SMURF2: variants seen among roughly 807,000 people sequenced by gnomAD.
The protein encoded by SMURF2 is SMAD specific E3 ubiquitin protein ligase 2.
SMURF2 carries 48 observed loss-of-function variants against 109.6 expected under a neutral mutation model. That is an observed-to-expected ratio of 0.44 (90% CI 0.35 to 0.56). The LOEUF is 0.56. SMURF2 is among the 20% of genes least tolerant of loss of function. The pLI is 0.01. For missense variants in SMURF2, 575 were observed against 909.0 expected (o/e 0.63, Z 4.72); for synonymous variants, 288 against 317.1 (o/e 0.91, Z 0.97).
chr17:64,637,031 G>A (rs998674804), intron 1 of SMURF2, among the ~76,000 whole-genome samples: 1 of 151,980 alleles, frequency 6.6e-6, no homozygotes, highest in African/African-American at 2.4e-5. Flanking sequence ...ACCAGTCTGG[G>A]CAACAGAGTG....
chr17:64,662,025 G>C lies in SMURF2; in HGVS notation c.-145C>G, dbSNP rs977330255. The C allele has an allele frequency of 9.0e-7, 1 of 1,116,010 alleles. No homozygotes were observed. Among genetic ancestry groups the C allele is most frequent in the Non-Finnish European group, 1.1e-6 (1 of 914,194 alleles). 69.1% of individuals were successfully genotyped at this position (1,116,010 alleles called of 1,614,324 possible). On this transcript the variant is annotated 5_prime_UTR_variant, in exon 1 of 19. Coordinates refer to ENST00000262435, the MANE Select transcript of SMURF2 (RefSeq NM_022739.4). ...CCGGAGGGTCCCGGATGTGCCGAGAGTCGTCGCCATGAGCCGCGGAGGGAG... is the reference window on the plus strand; with the variant it reads ...CCGGAGGGTCCCGGATGTGCCGAGACTCGTCGCCATGAGCCGCGGAGGGAG...
At chr17:64,564,253 G>T (rs1969269544) in intron 10 of SMURF2, among the ~76,000 whole-genome samples, 1 of 152,046 alleles carries the variant, frequency 6.6e-6, no homozygotes, top group African/African-American at 2.4e-5. Context: ...AATAAACTGT[G>T]GTATACCCAT....
At chr17:64,643,389 A>G (rs2144724457) in intron 1 of SMURF2, among the ~76,000 whole-genome samples, 1 of 152,314 alleles carries the variant, frequency 6.6e-6, no homozygotes, top group Non-Finnish European at 1.5e-5. Context: ...AGGAGAATAA[A>G]TAAGGGTGTG....
intron 10 of SMURF2, among the ~76,000 whole-genome samples, chr17:64,571,007 TC>T (rs1555685508): frequency 1.3e-5 from 2 of 152,008 alleles, no homozygotes; most frequent in African/African-American, 4.8e-5. Context: ...GGTCTTGAAC[TC>T]CTAGGCTCAA....
chr17:64,649,435 T>TTC (rs1555693275), intron 1 of SMURF2, among the ~76,000 whole-genome samples: 1 of 152,204 alleles, frequency 6.6e-6, no homozygotes, highest in East Asian at 1.9e-4. Flanking sequence ...CTGAGCCATC[T>TTC]TCTACTTCTT....
intron 10 of SMURF2, among the ~76,000 whole-genome samples, chr17:64,566,943 TCA>T (rs1402871458): frequency 6.7e-6 from 1 of 149,284 alleles, no homozygotes; most frequent in Non-Finnish European, 1.5e-5. Flanking sequence ...CGATCTCAGC[TCA>T]CTACACCCTC....
At chr17:64,628,788 A>T (rs558163485) in intron 1 of SMURF2, among the ~76,000 whole-genome samples, 1 of 152,272 alleles carries the variant, frequency 6.6e-6, no homozygotes, top group South Asian at 2.1e-4. Context: ...CTCAGCCTTT[A>T]ACTCATCTGC....
At chr17:64,606,220 G>A (rs897747925) in intron 2 of SMURF2, among the ~76,000 whole-genome samples, 1 of 152,110 alleles carries the variant, frequency 6.6e-6, no homozygotes, top group Non-Finnish European at 1.5e-5. Context: ...ACCTTCCAAT[G>A]AATCTTGAAT....
At chr17:64,628,044 T>A (rs1268207744) in intron 1 of SMURF2, among the ~76,000 whole-genome samples, 1 of 152,316 alleles carries the variant, frequency 6.6e-6, no homozygotes, top group East Asian at 1.9e-4. Context: ...AGCCATCCGA[T>A]GAAGCCAACA....
chr17:64,647,534 C>T (rs782344655), intron 1 of SMURF2, among the ~76,000 whole-genome samples: 2 of 151,870 alleles, frequency 1.3e-5, no homozygotes, highest in Non-Finnish European at 2.9e-5. Context: ...AACAATTAGC[C>T]AAGCATGGTG....
chr17:64,622,836 T>C (rs1555690789), intron 1 of SMURF2, among the ~76,000 whole-genome samples: 1 of 152,234 alleles, frequency 6.6e-6, no homozygotes, highest in African/African-American at 2.4e-5. Context: ...ACTAGAGAGT[T>C]ATACTATACC....
intron 1 of SMURF2, among the ~76,000 whole-genome samples, chr17:64,634,041 C>T (rs145994073): frequency 0.05 from 7,637 of 152,212 alleles, 317 homozygotes; most frequent in Admixed American, 0.14. Flanking sequence ...GTAATCCCAG[C>T]TACTTGGGAG....
At chr17:64,615,816 T>G (rs1453552331) in intron 1 of SMURF2, among the ~76,000 whole-genome samples, 10 of 152,196 alleles carry the variant, frequency 6.6e-5, no homozygotes, top group Non-Finnish European at 1.0e-4. Flanking sequence ...TGTATTTATT[T>G]ATTGATGGAT....
chr17:64,566,642 G>A (rs1163039612), intron 10 of SMURF2, among the ~76,000 whole-genome samples: 3 of 125,632 alleles, frequency 2.4e-5, no homozygotes, highest in Non-Finnish European at 4.7e-5. Context: ...CGCAATCTCC[G>A]CTCACTGCAA....
At chr17:64,646,309 G>A (rs1598314248) in intron 1 of SMURF2, among the ~76,000 whole-genome samples, 2 of 150,790 alleles carry the variant, frequency 1.3e-5, no homozygotes, top group South Asian at 4.2e-4. Flanking sequence ...CAAGTGATCT[G>A]CCCGCCTCAG....
intron 10 of SMURF2, among the ~76,000 whole-genome samples, chr17:64,566,561 G>GT (rs1164717270): frequency 0.017 from 728 of 43,744 alleles, 163 homozygotes; most frequent in African/African-American, 0.04. Flanking sequence ...AAGCTTTCTG[G>GT]TTTTTTTTTT....
chr17:64,563,060 T>G (rs1969247911), intron 10 of SMURF2, 94 bp from the exon 11 acceptor site: 2 of 1,137,586 alleles, frequency 1.8e-6, no homozygotes, highest in African/African-American at 3.1e-5. Context: ...AAAGCAAGTC[T>G]AGCTCTATCA....
chr17:64,599,883 A>T (rs1969870413), intron 2 of SMURF2, among the ~76,000 whole-genome samples: 1 of 152,226 alleles, frequency 6.6e-6, no homozygotes, highest in Non-Finnish European at 1.5e-5. Context: ...GTATGACAAT[A>T]CAATATTTAA....
At chr17:64,576,469 G>A (rs782812598) in intron 9 of SMURF2, among the ~76,000 whole-genome samples, 4 of 151,806 alleles carry the variant, frequency 2.6e-5, no homozygotes, top group Non-Finnish European at 5.9e-5. Context: ...CTCAAGACAA[G>A]CCTGGACAAC....
Sources: allele counts gnomAD v4.1 joint callset (sites outside exome capture counted in the v4.1 genomes callset), GRCh38; gene constraint gnomAD v4.1.1; transcripts MANE v1.5; gene names NCBI Gene and HGNC (gene_info 2026-07-23, HGNC 2026-07-21).